HNRNPC: variants seen among roughly 807,000 people sequenced by gnomAD.
HNRNPC encodes heterogeneous nuclear ribonucleoproteins C1/C2.
In HNRNPC, 3 loss-of-function variants were observed where a neutral mutation model predicts 33.2. The observed-to-expected ratio is 0.09, with a 90% CI of 0.04 to 0.23. HNRNPC has a LOEUF of 0.23. Among genes scored for constraint, HNRNPC ranks in the 10% least tolerant of loss-of-function variants. The probability of loss-of-function intolerance (pLI) is 1.00; values close to 1 mark genes in which losing one functional copy is unlikely to be tolerated. For synonymous variants in HNRNPC, 121 were observed against 126.7 expected, an observed-to-expected ratio of 0.96 and a Z score of 0.30; for missense variants, 143 against 366.7, an observed-to-expected ratio of 0.39 and a Z score of 4.98.
At chr14:21,226,327 G>GAAA (rs374686866) in intron 5 of HNRNPC, among the ~76,000 whole-genome samples, 1 of 110,610 alleles carries the variant, frequency 9.0e-6, no homozygotes, top group African/African-American at 3.3e-5. Context: ...GTTTCCAAAA[G>GAAA]AAAAAAAAAA....
At chr14:21,251,080 T>G (rs1317203365) in intron 2 of HNRNPC, among the ~76,000 whole-genome samples, 1 of 151,440 alleles carries the variant, frequency 6.6e-6, no homozygotes, top group Non-Finnish European at 1.5e-5. Context: ...GCTAACATGG[T>G]GAAACCCCAT....
chr14:21,269,123 TAC>T, intron 1 of HNRNPC, among the ~76,000 whole-genome samples, 173 bp downstream of exon 1: 1 of 152,052 alleles, frequency 6.6e-6, no homozygotes. Flanking sequence ...GTTAAACCTA[TAC>T]AGAGGCTGAG....
intron 2 of HNRNPC, among the ~76,000 whole-genome samples, chr14:21,244,688 T>C (rs1895756841): frequency 6.6e-6 from 1 of 152,232 alleles, no homozygotes. Context: ...ATTTTGTCAC[T>C]GTGTTAATGT....
chr14:21,249,112 T>C (rs944279810), intron 2 of HNRNPC, among the ~76,000 whole-genome samples: 1 of 152,196 alleles, frequency 6.6e-6, no homozygotes, highest in African/African-American at 2.4e-5. Context: ...TCACTAATAA[T>C]ACATAATGCT....
At chr14:21,257,299 T>C (rs886594704) in intron 2 of HNRNPC, among the ~76,000 whole-genome samples, 3 of 151,750 alleles carry the variant, frequency 2.0e-5, no homozygotes, top group African/African-American at 4.8e-5. Flanking sequence ...AAAAGAGAAG[T>C]GGAAGGACTG....
intron 2 of HNRNPC, among the ~76,000 whole-genome samples, chr14:21,245,535 T>A (rs1895887350): frequency 6.6e-6 from 1 of 151,652 alleles, no homozygotes; most frequent in East Asian, 1.9e-4. Flanking sequence ...TATACCTATA[T>A]AAAGCACTTA....
At chr14:21,268,801 G>C (rs1337978939) in intron 1 of HNRNPC, 1 of 152,180 alleles carries the variant, frequency 6.6e-6, no homozygotes, top group Non-Finnish European at 1.5e-5. Context: ...AAAGTTATCA[G>C]TAAAATGCTG....
At chr14:21,214,899 T>C (rs1891993753) in intron 5 of HNRNPC, among the ~76,000 whole-genome samples, 1 of 152,200 alleles carries the variant, frequency 6.6e-6, no homozygotes, top group African/African-American at 2.4e-5. Flanking sequence ...AGCATTAAAC[T>C]GAGCTTAAGC....
intron 1 of HNRNPC, among the ~76,000 whole-genome samples, chr14:21,265,784 A>G (rs896737657): frequency 2.0e-5 from 3 of 152,236 alleles, no homozygotes; most frequent in Admixed American, 1.3e-4. Flanking sequence ...AAAGAAAAAA[A>G]GTATCCTTAC....
In HNRNPC at chr14:21,210,764, C is replaced by G. The variant is rs1035455699; in HGVS notation, c.*459G>C. On this transcript the variant is annotated 3_prime_UTR_variant, in exon 9 of 9. Coordinates refer to ENST00000553300, the MANE Select transcript of HNRNPC (RefSeq NM_004500.4). The stretch of plus-strand genomic sequence containing the variant: ...TACATTTGTGTTGAACTGCCCCACA[C>G]AGCACACTAATGTGAGGGTGTAACA... The G allele has an allele frequency of 6.1e-6, 1 of 162,974 alleles. No individual in the cohort carries two copies. Among genetic ancestry groups the G allele is most frequent in the Non-Finnish European group, 1.3e-5 (1 of 74,080 alleles). The allele number at this position is 162,974 out of a possible 1,614,324, so 10.1% of individuals were successfully genotyped here.
chr14:21,221,980 C>T (rs1892871526), intron 5 of HNRNPC, among the ~76,000 whole-genome samples: 1 of 123,646 alleles, frequency 8.1e-6, no homozygotes, highest in African/African-American at 3.1e-5. Flanking sequence ...ACTCAGGAGA[C>T]GGGGCTCTTG....
chr14:21,228,071 C>T (rs1893681486), intron 5 of HNRNPC, among the ~76,000 whole-genome samples: 2 of 152,142 alleles, frequency 1.3e-5, no homozygotes, highest in Admixed American at 1.3e-4. Context: ...GTAAGAATCC[C>T]TATAGGAGAA....
In HNRNPC at chr14:21,230,384, A is replaced by G. The variant is rs1426757260; in HGVS notation, c.318-18T>C. The G allele has an allele frequency of 1.9e-6, 3 of 1,594,766 alleles. No homozygotes were observed. The highest frequency in any genetic ancestry group is 3.3e-5 in the Admixed American group (2 of 59,770). ...AAGAGGAGCTGAAAAATAAATACCGAAAAGGGTTAATTTGGAAATGTTTCT... is the reference window on the plus strand; with the variant it reads ...AAGAGGAGCTGAAAAATAAATACCGGAAAGGGTTAATTTGGAAATGTTTCT... On this transcript the variant is annotated intron_variant, in intron 4 of 8. Coordinates refer to ENST00000553300, the MANE Select transcript of HNRNPC (RefSeq NM_004500.4).
Position 21,211,151 on chromosome 14 carries a change from G to A in HNRNPC, c.*72C>T. The A allele has an allele frequency of 6.8e-7, 1 of 1,467,576 alleles. No homozygotes were observed. The highest frequency in any genetic ancestry group is 9.4e-7 in the Non-Finnish European group (1 of 1,058,304). 90.9% of individuals were successfully genotyped at this position (1,467,576 alleles called of 1,614,324 possible). ...AAGATACTAGGGGAGAGGATCTGGTGAAAAATTTGATCTTAGACAAGCGCC... is the reference window on the plus strand; with the variant it reads ...AAGATACTAGGGGAGAGGATCTGGTAAAAAATTTGATCTTAGACAAGCGCC... On this transcript the variant is annotated 3_prime_UTR_variant, in exon 9 of 9. Transcript: ENST00000553300.
intron 5 of HNRNPC, among the ~76,000 whole-genome samples, chr14:21,226,260 T>C (rs1356027037): frequency 1.9e-5 from 2 of 107,912 alleles, no homozygotes; most frequent in Admixed American, 1.9e-4. Context: ...AGGCGGAGGT[T>C]GCAGTGAACC....
chr14:21,230,655 C>T, intron 4 of HNRNPC: 3 of 503,928 alleles, frequency 6.0e-6, no homozygotes, highest in Non-Finnish European at 1.1e-5. Flanking sequence ...CATTCTTATA[C>T]CACACTTCTA....
intron 2 of HNRNPC, among the ~76,000 whole-genome samples, chr14:21,240,320 A>G (rs1391034406): frequency 6.6e-6 from 1 of 152,228 alleles, no homozygotes; most frequent in Non-Finnish European, 1.5e-5. Flanking sequence ...GTTCATTGTA[A>G]GTGTGAGGTG....
intron 2 of HNRNPC, among the ~76,000 whole-genome samples, chr14:21,260,306 T>G (rs1877994193): frequency 7.0e-6 from 1 of 143,512 alleles, no homozygotes; most frequent in African/African-American, 2.6e-5. Context: ...GCAGAGGTTG[T>G]GGTGAGCCAA....
rs1443815894 is a variant in HNRNPC, at chr14:21,243,363, T to G, written c.-36-9134A>C. On this transcript the variant is annotated intron_variant, in intron 2 of 8. Coordinates refer to ENST00000553300, the MANE Select transcript of HNRNPC (RefSeq NM_004500.4). ...TTTGAAATCATTCAGGAGAAAAGTG[T>G]AGAGGACAAACATGGCAGTTGCTAT... is the stretch of plus-strand genomic sequence containing the variant. 2.0e-5 allele frequency among the ~76,000 whole-genome samples: 3 copies of G among 152,254 alleles called. No individual in the cohort carries two copies. In the East Asian group the frequency reaches 5.8e-4, roughly 29 times the overall value.
Sources: allele counts gnomAD v4.1 joint callset (sites outside exome capture counted in the v4.1 genomes callset), GRCh38; gene constraint gnomAD v4.1.1; transcripts MANE v1.5; gene names NCBI Gene and HGNC (gene_info 2026-07-23, HGNC 2026-07-21).